The following ARID1B variants were observed in gnomAD, a reference collection of about 807,000 sequenced individuals.
The protein encoded by ARID1B is AT-rich interactive domain-containing protein 1B.
Under a neutral mutation model 212.3 loss-of-function variants are expected in ARID1B, and 30 were observed. The observed-to-expected ratio is 0.14, with a 90% CI of 0.11 to 0.19. The LOEUF (loss-of-function observed/expected upper bound fraction) is 0.19. Ranked by LOEUF, ARID1B falls within the 10% of genes least tolerant of loss-of-function variation. ARID1B has a pLI of 1.00. For synonymous variants in ARID1B, 1,402 were observed against 1,301.7 expected, an observed-to-expected ratio of 1.08 and a Z score of -1.66; for missense variants, 2,891 against 3,204.0, an observed-to-expected ratio of 0.90 and a Z score of 2.36.
At chr6:156,913,549 A>G (rs1343451820) in intron 3 of ARID1B, among the ~76,000 whole-genome samples, 1 of 152,038 alleles carries the variant, frequency 6.6e-6, no homozygotes, top group Admixed American at 6.6e-5. Context: ...ATTATTAACT[A>G]CAGTCACCAT....
chr6:157,030,087 G>A (rs906479951), intron 4 of ARID1B, among the ~76,000 whole-genome samples: 4 of 152,170 alleles, frequency 2.6e-5, no homozygotes, highest in East Asian at 1.9e-4. Context: ...ACAGTTTGAC[G>A]ATTTGGGCTG....
intron 1 of ARID1B, among the ~76,000 whole-genome samples, chr6:156,800,253 A>G (rs1408777894): frequency 1.3e-5 from 2 of 152,256 alleles, no homozygotes; most frequent in Non-Finnish European, 1.5e-5. Context: ...GGCTCTGTTC[A>G]GTATGGCAGC....
intron 4 of ARID1B, among the ~76,000 whole-genome samples, chr6:157,078,850 A>G (rs1442238663): frequency 6.6e-6 from 1 of 152,208 alleles, no homozygotes; most frequent in Non-Finnish European, 1.5e-5. Flanking sequence ...AGTTACCCAT[A>G]ATGGAATCTT....
rs2114972557 is a variant in ARID1B, at chr6:156,778,379, C to A, written c.699C>A (p.Pro233=). 2 of 1,537,422 alleles carry A rather than the reference C, an allele frequency of 1.3e-6. No individual in the cohort carries two copies. Among genetic ancestry groups the A allele is most frequent in the Non-Finnish European group, 1.7e-6 (2 of 1,145,862 alleles). ...LGGAGGGAPQ[P]GPDMEQPQHG... Reference sequence around the variant, plus strand: ...GCGCGGGCGGCGGCGCGCCTCAGCCCGGCCCCGACATGGAGCAGCCGCAAC... The same window carrying A: ...GCGCGGGCGGCGGCGCGCCTCAGCCAGGCCCCGACATGGAGCAGCCGCAAC... Residue 233 remains proline, a synonymous_variant, in exon 1 of 20, where the codon CCC becomes CCA. Transcript: ENST00000636930.
chr6:156,959,526 T>C (rs1410293543), intron 4 of ARID1B, among the ~76,000 whole-genome samples: 3 of 151,960 alleles, frequency 2.0e-5, no homozygotes, highest in Non-Finnish European at 4.4e-5. Context: ...ACGTCTTGCT[T>C]AATTCGGTCT....
chr6:157,099,977 T>C (rs1277950313), intron 5 of ARID1B, among the ~76,000 whole-genome samples: 2 of 152,126 alleles, frequency 1.3e-5, no homozygotes, highest in African/African-American at 2.4e-5. Flanking sequence ...TAATGACACA[T>C]GAATAGTCTG....
chr6:156,867,034 T>G (rs1255311351), intron 2 of ARID1B, among the ~76,000 whole-genome samples: 1 of 152,216 alleles, frequency 6.6e-6, no homozygotes, highest in Non-Finnish European at 1.5e-5. Context: ...AGTGCTGGCT[T>G]ATTATAATGC....
intron 7 of ARID1B, chr6:157,140,597 T>A: frequency 2.5e-6 from 1 of 398,664 alleles, no homozygotes; most frequent in Non-Finnish European, 4.4e-6. Flanking sequence ...AATCTTTTAT[T>A]GTACCCTTTT....
At chr6:157,000,373 T>A (rs1477733364) in intron 4 of ARID1B, among the ~76,000 whole-genome samples, 2 of 152,242 alleles carry the variant, frequency 1.3e-5, no homozygotes, top group Non-Finnish European at 2.9e-5. Context: ...CAAATGGAGA[T>A]CTATTTTATA....
intron 4 of ARID1B, among the ~76,000 whole-genome samples, chr6:157,043,859 C>T (rs1343936034): frequency 6.6e-6 from 1 of 152,178 alleles, no homozygotes; most frequent in African/African-American, 2.4e-5. Flanking sequence ...TTCCTTTTAA[C>T]CTGGCTTATC....
intron 2 of ARID1B, among the ~76,000 whole-genome samples, chr6:156,861,260 G>A (rs2128128095): frequency 6.6e-6 from 1 of 152,310 alleles, no homozygotes; most frequent in East Asian, 1.9e-4. Flanking sequence ...CTGGCATGGT[G>A]TGCTGACGAA....
chr6:157,071,521 C>A (rs1446998186), intron 4 of ARID1B: 1 of 152,050 alleles, frequency 6.6e-6, no homozygotes, highest in Non-Finnish European at 1.5e-5. Context: ...AAAAATACAA[C>A]AACAAAACAA....
chr6:156,977,927 C>T (rs987779388), intron 4 of ARID1B, among the ~76,000 whole-genome samples: 2 of 152,136 alleles, frequency 1.3e-5, no homozygotes, highest in Non-Finnish European at 2.9e-5. Flanking sequence ...GCCCACTTTT[C>T]GGGCAGATTC....
At chr6:156,934,952 ATATATATATAGTT>A (rs1792071029) in intron 3 of ARID1B, among the ~76,000 whole-genome samples, 1 of 83,862 alleles carries the variant, frequency 1.2e-5, no homozygotes, top group Admixed American at 1.1e-4. Flanking sequence ...ATATATATAT[ATATATATATAGTT>A]TATATTTCTG....
At chr6:156,912,438 G>T (rs370898642) in intron 3 of ARID1B, among the ~76,000 whole-genome samples, 9 of 152,026 alleles carry the variant, frequency 5.9e-5, no homozygotes, top group African/African-American at 2.2e-4. Flanking sequence ...ATCCACTTTT[G>T]TGCCCACTCC....
intron 2 of ARID1B, among the ~76,000 whole-genome samples, chr6:156,885,566 C>G (rs1045131760): frequency 6.6e-6 from 1 of 152,066 alleles, no homozygotes; most frequent in African/African-American, 2.4e-5. Context: ...TTTTTTCTGA[C>G]CAATCTTTTG....
At chr6:156,969,492 T>G (rs1055013894) in intron 4 of ARID1B, among the ~76,000 whole-genome samples, 2 of 152,216 alleles carry the variant, frequency 1.3e-5, no homozygotes, top group African/African-American at 2.4e-5. Context: ...ACTCACTGTT[T>G]AAGCTACTGA....
At chr6:157,101,281 G>C (rs1786034715) in intron 5 of ARID1B, among the ~76,000 whole-genome samples, 1 of 152,080 alleles carries the variant, frequency 6.6e-6, no homozygotes, top group Non-Finnish European at 1.5e-5. Flanking sequence ...ACTATGTATT[G>C]ATTTTGTAGC....
chr6:157,004,902 T>G lies in ARID1B; in HGVS notation c.2247+69326T>G, dbSNP rs1328261429. Among the ~76,000 whole-genome samples, 536 of 84,788 alleles carry G rather than the reference T, an allele frequency of 6.3e-3. 27 individuals are homozygous for G. The highest frequency in any genetic ancestry group is 8.8e-3 in the African/African-American group (162 of 18,430). The allele number at this position is 84,788 out of a possible 152,430, so 55.6% of individuals were successfully genotyped here. ...TCTTTTTCTTCTTCTTTTTTCTTTT[T>G]TTTTTTTTTTTTTTTTTTTTTTTTT... On this transcript the variant is annotated intron_variant, in intron 4 of 19. Transcript: ENST00000636930.
Sources: allele counts gnomAD v4.1 joint callset (sites outside exome capture counted in the v4.1 genomes callset), GRCh38; gene constraint gnomAD v4.1.1; transcripts MANE v1.5; gene names NCBI Gene and HGNC (gene_info 2026-07-23, HGNC 2026-07-21).